Variants in DZANK1 observed in about 807,000 individuals in gnomAD.
DZANK1 encodes double zinc ribbon and ankyrin repeat-containing protein 1.
A neutral mutation model predicts 94.5 loss-of-function variants in DZANK1; 91 were observed. The observed-to-expected ratio is 0.96, with a 90% confidence interval of 0.81 to 1.15. DZANK1 has a LOEUF of 1.15. DZANK1 is among the 50% of genes most tolerant of loss of function. The probability of loss-of-function intolerance (pLI) is 0.00; values close to 1 mark genes in which losing one functional copy is unlikely to be tolerated. For missense variants in DZANK1, 903 were observed against 916.4 expected (o/e 0.99, Z 0.19); for synonymous variants, 312 against 325.3 (o/e 0.96, Z 0.44).
At chr20:18,387,414 T>G (rs958435700) in intron 19 of DZANK1, among the ~76,000 whole-genome samples, 4 of 152,214 alleles carry the variant, frequency 2.6e-5, no homozygotes, top group Non-Finnish European at 5.9e-5. Flanking sequence ...TTTACTCAAA[T>G]CTAAGTATCA....
chr20:18,415,031 T>C (rs2057422606), intron 11 of DZANK1, among the ~76,000 whole-genome samples: 1 of 152,194 alleles, frequency 6.6e-6, no homozygotes, highest in Non-Finnish European at 1.5e-5. Context: ...AATAAATACA[T>C]AGTCTTGAGT....
chr20:18,384,392 C>T, exon 21 of DZANK1: 4 of 1,607,140 alleles, frequency 2.5e-6, no homozygotes, highest in Non-Finnish European at 3.4e-6. Flanking sequence ...CCGTGGAGGC[C>T]TCAGGGCTAA....
rs1568857603 is a variant in DZANK1, at chr20:18,385,004, C to A, written c.2093+12G>T. The A allele has an allele frequency of 1.9e-6, 3 of 1,552,008 alleles. No homozygotes were observed. In the South Asian group the frequency reaches 3.6e-5, roughly 18 times the overall value. On this transcript the variant is annotated intron_variant, in intron 20 of 20. Transcript: ENST00000262547. ...GCCCTCAAAAGTATCCATCAGAGGC[C>A]AGGGGACATACCCCAGTAAAGTGGC... is the stretch of plus-strand genomic sequence containing the variant.
intron 5 of DZANK1, among the ~76,000 whole-genome samples, chr20:18,453,283 C>T (rs1601142980): frequency 6.6e-6 from 1 of 152,158 alleles, no homozygotes; most frequent in East Asian, 1.9e-4. Context: ...ACAGTGTTCC[C>T]CATGTATCTT....
At chr20:18,386,306 TAC>T (rs2048492333) in intron 19 of DZANK1, among the ~76,000 whole-genome samples, 1 of 152,176 alleles carries the variant, frequency 6.6e-6, no homozygotes, top group Admixed American at 6.5e-5. Context: ...CGTTCTCTTA[TAC>T]ACAGAGTTAC....
chr20:18,433,979 T>G (rs1355336030), intron 8 of DZANK1: 1 of 519,058 alleles, frequency 1.9e-6, no homozygotes, highest in Non-Finnish European at 3.4e-6. Flanking sequence ...ATAATTACCT[T>G]TATGATGGAT....
Position 18,427,606 on chromosome 20 carries a change from G to GGTGTGT in DZANK1, c.862-453_862-448dup, listed in dbSNP as rs11474236. Among the ~76,000 whole-genome samples the GGTGTGT allele has an allele frequency of 4.8e-3, 719 of 148,780 alleles. 3 individuals are homozygous for GGTGTGT. The highest frequency in any genetic ancestry group is 6.9e-3 in the Middle Eastern group (2 of 288). On this transcript the variant is annotated intron_variant, in intron 9 of 20. Coordinates refer to ENST00000262547, the Ensembl canonical transcript of DZANK1. ...TCTGCACTGGTTATGTGTAAGGTTG[G>GGTGTGT]GTGTGTGTGTGTGTGTGTGTGTGTG...
chr20:18,435,427 G>A (rs1350424398), intron 8 of DZANK1, among the ~76,000 whole-genome samples: 4 of 152,102 alleles, frequency 2.6e-5, no homozygotes, highest in Non-Finnish European at 4.4e-5. Flanking sequence ...AAAAAAGAAC[G>A]AGTTCATGTC....
At chr20:18,402,617 G>A (rs1012729343) in intron 13 of DZANK1, among the ~76,000 whole-genome samples, 3 of 152,010 alleles carry the variant, frequency 2.0e-5, no homozygotes, top group African/African-American at 4.8e-5. Context: ...ATTAAGGGCT[G>A]AACAGCACAC....
exon 13 of DZANK1, chr20:18,412,786 A>G: frequency 1.2e-6 from 2 of 1,613,918 alleles, no homozygotes; most frequent in Non-Finnish European, 1.7e-6. Flanking sequence ...CTGTGTTCCT[A>G]TGTCCCTCTT....
chr20:18,385,846 C>G lies in DZANK1; in HGVS notation c.2019-756G>C, dbSNP rs909067724. Among the ~76,000 whole-genome samples, 89 of 152,272 alleles carry G rather than the reference C, an allele frequency of 5.8e-4. 1 individual carries two copies. Among genetic ancestry groups the G allele is most frequent in the Middle Eastern group, 3.4e-3 (1 of 294 alleles). ...CAATCTTAGAAACCAGGGGGCAGGC[C>G]TGAGAGGTCAGACACAGCATATTTT... On this transcript the variant is annotated intron_variant, in intron 19 of 20. Transcript: ENST00000262547.
At chr20:18,398,731 C>T in intron 13 of DZANK1, 105 bp from the exon 14 acceptor site, 1 of 1,150,142 alleles carries the variant, frequency 8.7e-7, no homozygotes, top group East Asian at 2.4e-5. Flanking sequence ...TTTCCTTTGT[C>T]AAACTTTGTG....
At chr20:18,402,114 G>C (rs998665934) in intron 13 of DZANK1, among the ~76,000 whole-genome samples, 3 of 152,142 alleles carry the variant, frequency 2.0e-5, no homozygotes, top group Admixed American at 6.5e-5. Flanking sequence ...CTAGGGATTT[G>C]AGTGGACCTA....
At chr20:18,465,314 T>G in exon 2 of DZANK1, 1 of 1,612,146 alleles carries the variant, frequency 6.2e-7, no homozygotes, top group Non-Finnish European at 8.5e-7. Context: ...GCTGAGGCAC[T>G]CGTAATGGTA....
At chr20:18,392,910 T>C (rs2056098839) in intron 17 of DZANK1, among the ~76,000 whole-genome samples, 1 of 152,296 alleles carries the variant, frequency 6.6e-6, no homozygotes, top group African/African-American at 2.4e-5. Context: ...AGGTTAGGTG[T>C]TGGGCGTAGC....
chr20:18,462,549 C>T (rs2059505572), intron 2 of DZANK1, among the ~76,000 whole-genome samples: 1 of 152,224 alleles, frequency 6.6e-6, no homozygotes, highest in East Asian at 1.9e-4. Context: ...ATCAAAACCA[C>T]AGTGAGACAC....
intron 13 of DZANK1, among the ~76,000 whole-genome samples, chr20:18,403,937 T>A (rs1464212741): frequency 6.6e-6 from 1 of 151,650 alleles, no homozygotes; most frequent in Non-Finnish European, 1.5e-5. Flanking sequence ...GTAGCTAGGA[T>A]TATAGATGCC....
In DZANK1 at chr20:18,412,871, G is replaced by T; in HGVS notation, c.1243-36C>A. On this transcript the variant is annotated intron_variant, in intron 12 of 20. Coordinates refer to ENST00000262547, the Ensembl canonical transcript of DZANK1. ...CATCGGGGCCATGCGTGAGGCAGAA[G>T]ACATTTTTAAAATTAGAATATAATT... 6.3e-7 allele frequency: 1 copy of T among 1,595,288 alleles called. No individual in the cohort carries two copies. Among genetic ancestry groups the T allele is most frequent in the Non-Finnish European group, 8.6e-7 (1 of 1,167,062 alleles).
At chr20:18,413,890 A>G (rs953210024) in intron 12 of DZANK1, among the ~76,000 whole-genome samples, 1 of 152,250 alleles carries the variant, frequency 6.6e-6, no homozygotes, top group Admixed American at 6.5e-5. Flanking sequence ...AGAAACATGG[A>G]AAGTCTTTAT....
Sources: allele counts gnomAD v4.1 joint callset (sites outside exome capture counted in the v4.1 genomes callset), GRCh38; gene constraint gnomAD v4.1.1; transcripts MANE v1.5; gene names NCBI Gene and HGNC (gene_info 2026-07-23, HGNC 2026-07-21).